Variants in RALGAPA2 observed in about 807,000 individuals in gnomAD.
RALGAPA2 encodes ral GTPase-activating protein subunit alpha-2.
In RALGAPA2, 139 loss-of-function variants were observed where a neutral mutation model predicts 230.4. The ratio of observed to expected loss-of-function variants is 0.60; its 90% CI spans 0.53 to 0.69. The LOEUF (loss-of-function observed/expected upper bound fraction) is 0.69. Among genes scored for constraint, RALGAPA2 ranks in the 30% least tolerant of loss-of-function variants. The probability of loss-of-function intolerance (pLI) is 0.00; values close to 1 mark genes in which losing one functional copy is unlikely to be tolerated. For missense variants in RALGAPA2, 2,163 were observed against 2,276.0 expected, an observed-to-expected ratio of 0.95 and a Z score of 1.01; for synonymous variants, 847 against 837.8, an observed-to-expected ratio of 1.01 and a Z score of -0.19.
At position 20,644,633 on chromosome 20, in the gene RALGAPA2, A is replaced by G. The variant is rs190676761; in HGVS notation, c.329-1084T>C. On this transcript the variant is annotated intron_variant, in intron 4 of 39. Transcript: ENST00000202677. Reference sequence around the variant, plus strand: ...ACTCAGGCTAGGTTCTAGCACTTAAATAACTAATAGTTTGTGCTTGAGTGA... The same window carrying G: ...ACTCAGGCTAGGTTCTAGCACTTAAGTAACTAATAGTTTGTGCTTGAGTGA... Among the ~76,000 whole-genome samples the G allele has an allele frequency of 3.3e-5, 5 of 152,346 alleles. No individual in the cohort carries two copies. The East Asian group carries it at 5.8e-4, about 18-fold the overall frequency.
At chr20:20,403,706 C>A (rs745816049) in intron 38 of RALGAPA2, among the ~76,000 whole-genome samples, 2 of 152,184 alleles carry the variant, frequency 1.3e-5, no homozygotes, top group Non-Finnish European at 2.9e-5. Context: ...TCTCTGCACC[C>A]TAGGGATGTA....
chr20:20,676,995 T>C (rs1645556688), intron 2 of RALGAPA2, among the ~76,000 whole-genome samples: 1 of 152,216 alleles, frequency 6.6e-6, no homozygotes, highest in African/African-American at 2.4e-5. Flanking sequence ...CAGGCAGCTA[T>C]AAGCTGTGGA....
At chr20:20,529,873 T>A (rs2063323884) in intron 27 of RALGAPA2, among the ~76,000 whole-genome samples, 2 of 152,116 alleles carry the variant, frequency 1.3e-5, no homozygotes, top group Non-Finnish European at 2.9e-5. Flanking sequence ...ACACACCGAG[T>A]TATTCATAGT....
At chr20:20,586,279 T>C (rs1602950660) in intron 18 of RALGAPA2, among the ~76,000 whole-genome samples, 1 of 152,182 alleles carries the variant, frequency 6.6e-6, no homozygotes, top group South Asian at 2.1e-4. Flanking sequence ...ACGTGGCTAT[T>C]GCAAGGGTAA....
At chr20:20,558,043 T>G (rs749600852) in intron 23 of RALGAPA2, among the ~76,000 whole-genome samples, 1 of 152,102 alleles carries the variant, frequency 6.6e-6, no homozygotes, top group Non-Finnish European at 1.5e-5. Flanking sequence ...TCATTCTTGT[T>G]GCCCAGGCTG....
chr20:20,427,302 AG>A (rs1224078960), intron 37 of RALGAPA2, among the ~76,000 whole-genome samples: 2 of 152,130 alleles, frequency 1.3e-5, no homozygotes, highest in Non-Finnish European at 2.9e-5. Flanking sequence ...TTGCATTTCA[AG>A]TATTTTTGGC....
chr20:20,486,673 T>C (rs892338019), intron 36 of RALGAPA2, among the ~76,000 whole-genome samples: 1 of 152,236 alleles, frequency 6.6e-6, no homozygotes, highest in Non-Finnish European at 1.5e-5. Flanking sequence ...CCAATATTTC[T>C]TCTCCTTTCT....
intron 8 of RALGAPA2, among the ~76,000 whole-genome samples, chr20:20,636,160 T>C (rs895087058): frequency 2.0e-5 from 3 of 152,184 alleles, no homozygotes; most frequent in East Asian, 1.9e-4. Context: ...CATTTCACCT[T>C]TGAGGCATCA....
intron 37 of RALGAPA2, among the ~76,000 whole-genome samples, chr20:20,435,249 G>C (rs2060584396): frequency 6.6e-6 from 1 of 152,234 alleles, no homozygotes; most frequent in African/African-American, 2.4e-5. Flanking sequence ...GTCATGGGAG[G>C]CATGGGAGGG....
intron 2 of RALGAPA2, among the ~76,000 whole-genome samples, chr20:20,677,738 G>A (rs1452976104): frequency 6.8e-6 from 1 of 146,634 alleles, no homozygotes; most frequent in East Asian, 2.0e-4. Context: ...CCGCCTCCTG[G>A]GTTCACTCCA....
At chr20:20,449,664 C>A (rs1431632142) in intron 37 of RALGAPA2, among the ~76,000 whole-genome samples, 1 of 151,928 alleles carries the variant, frequency 6.6e-6, no homozygotes, top group East Asian at 1.9e-4. Context: ...TTCCCCCGGA[C>A]CTAATTAGCT....
chr20:20,617,105 G>A (rs1013949341), intron 12 of RALGAPA2, among the ~76,000 whole-genome samples: 3 of 152,228 alleles, frequency 2.0e-5, no homozygotes, highest in African/African-American at 7.2e-5. Flanking sequence ...GGACAGACCT[G>A]CTCTATCTAC....
At chr20:20,580,209 T>C (rs1055356897) in intron 20 of RALGAPA2, among the ~76,000 whole-genome samples, 1 of 152,196 alleles carries the variant, frequency 6.6e-6, no homozygotes, top group Non-Finnish European at 1.5e-5. Flanking sequence ...ACTAAATGTA[T>C]GCATGTCTTA....
At chr20:20,677,545 T>C (rs2068371823) in intron 2 of RALGAPA2, among the ~76,000 whole-genome samples, 1 of 151,184 alleles carries the variant, frequency 6.6e-6, no homozygotes, top group Admixed American at 6.6e-5. Context: ...GAAGGCAGAT[T>C]AGGTGGAGCC....
At chr20:20,454,240 A>G (rs1191224966) in intron 37 of RALGAPA2, among the ~76,000 whole-genome samples, 7 of 152,244 alleles carry the variant, frequency 4.6e-5, no homozygotes, top group Admixed American at 4.6e-4. Flanking sequence ...AAGGCCACAG[A>G]GCTCGAAACA....
chr20:20,445,789 T>G (rs1234497670), intron 37 of RALGAPA2, among the ~76,000 whole-genome samples: 1 of 152,184 alleles, frequency 6.6e-6, no homozygotes, highest in East Asian at 1.9e-4. Context: ...AGAACTAGTA[T>G]GTAAAGAAGT....
At chr20:20,595,907 T>C (rs935361103) in intron 16 of RALGAPA2, among the ~76,000 whole-genome samples, 1 of 151,854 alleles carries the variant, frequency 6.6e-6, no homozygotes, top group Non-Finnish European at 1.5e-5. Context: ...TGGGCCAAGA[T>C]CGCACCAGTG....
At chr20:20,448,720 C>T (rs931727566) in intron 37 of RALGAPA2, among the ~76,000 whole-genome samples, 3 of 151,836 alleles carry the variant, frequency 2.0e-5, no homozygotes, top group African/African-American at 7.3e-5. Context: ...GGAAAAACCT[C>T]AAAGTAACAA....
intron 3 of RALGAPA2, among the ~76,000 whole-genome samples, chr20:20,673,199 A>G (rs1241341839): frequency 6.6e-6 from 1 of 151,010 alleles, no homozygotes; most frequent in Non-Finnish European, 1.5e-5. Flanking sequence ...AAAATAAAAA[A>G]TAAAAATAAA....
Sources: gnomAD v4.1 joint callset for allele counts (sites outside exome capture counted in the v4.1 genomes callset) on GRCh38, gnomAD v4.1.1 for gene constraint, MANE v1.5 for transcripts, NCBI Gene and HGNC (gene_info 2026-07-23, HGNC 2026-07-21) for gene names.